The following RRAS2 variants were observed in gnomAD, a reference collection of about 807,000 sequenced individuals.
The protein encoded by RRAS2 is RAS related 2.
Under a neutral mutation model 27.6 loss-of-function variants are expected in RRAS2, and 7 were observed. The ratio of observed to expected loss-of-function variants is 0.25; its 90% CI spans 0.14 to 0.48. RRAS2 has a LOEUF of 0.48. Among genes scored for constraint, RRAS2 ranks in the 20% least tolerant of loss-of-function variants. RRAS2 has a pLI of 0.99. For missense variants in RRAS2, 178 were observed against 256.2 expected (o/e 0.69, Z 2.08); for synonymous variants, 86 against 90.9 (o/e 0.95, Z 0.31).
chr11:14,313,548 A>G (rs946136690), intron 1 of RRAS2, among the ~76,000 whole-genome samples: 3 of 152,178 alleles, frequency 2.0e-5, no homozygotes, highest in Admixed American at 1.3e-4. Flanking sequence ...GGGTCTTTAC[A>G]GTTATTAAAG....
intron 1 of RRAS2, among the ~76,000 whole-genome samples, chr11:14,327,917 G>A (rs1439523103): frequency 1.3e-5 from 2 of 152,164 alleles, no homozygotes; most frequent in African/African-American, 4.8e-5. Context: ...ACATAGGAAA[G>A]CATGGAGGAA....
intron 1 of RRAS2, among the ~76,000 whole-genome samples, chr11:14,351,957 A>G (rs1251166354): frequency 6.6e-6 from 1 of 152,044 alleles, no homozygotes; most frequent in Non-Finnish European, 1.5e-5. Context: ...ACAAAGAGAT[A>G]TTTAAGGATA....
Position 14,358,471 on chromosome 11 carries a change from C to T in RRAS2, c.108+292G>A, listed in dbSNP as rs1849130333. Reference sequence around the variant, plus strand: ...CCAGCCTCTCCCGGAGGTCTCTGGCCTCGGCCAGAGCAATAAGGTGGATCG... The same window carrying T: ...CCAGCCTCTCCCGGAGGTCTCTGGCTTCGGCCAGAGCAATAAGGTGGATCG... On this transcript the variant is annotated intron_variant, in intron 1 of 5. Transcript: ENST00000256196. The surrounding 1 kb of genome is among the most constrained non-coding windows in gnomAD (Gnocchi z 5.1). 1 of 985,604 alleles carries T rather than the reference C, an allele frequency of 1.0e-6. No homozygotes were observed. The highest frequency in any genetic ancestry group is 1.7e-5 in the African/African-American group (1 of 57,352). 61.1% of individuals were successfully genotyped at this position (985,604 alleles called of 1,614,324 possible).
intron 1 of RRAS2, among the ~76,000 whole-genome samples, chr11:14,343,321 T>C (rs1848756502): frequency 6.6e-6 from 1 of 152,206 alleles, no homozygotes; most frequent in Non-Finnish European, 1.5e-5. Context: ...GACAAAGTTT[T>C]CCATACTATT....
chr11:14,340,110 A>T (rs1848671506), intron 1 of RRAS2, among the ~76,000 whole-genome samples: 1 of 134,474 alleles, frequency 7.4e-6, no homozygotes, highest in Non-Finnish European at 1.6e-5. Context: ...AGCCTGGGAG[A>T]CAGGGCAACA....
chr11:14,282,110 T>C (rs1554944411), intron 4 of RRAS2, among the ~76,000 whole-genome samples: 1 of 151,278 alleles, frequency 6.6e-6, no homozygotes, highest in East Asian at 1.9e-4. Flanking sequence ...AGTTGAGGGG[T>C]GGAGGGTGGG....
intron 1 of RRAS2, among the ~76,000 whole-genome samples, chr11:14,317,374 GT>G (rs1391042922): frequency 1.3e-5 from 2 of 152,214 alleles, no homozygotes; most frequent in Non-Finnish European, 2.9e-5. Flanking sequence ...GAGGTCAGGA[GT>G]TCAAGACCAG....
intron 1 of RRAS2, among the ~76,000 whole-genome samples, chr11:14,323,149 T>G (rs1215717090): frequency 1.3e-5 from 2 of 151,920 alleles, no homozygotes; most frequent in Non-Finnish European, 2.9e-5. Context: ...CAAAATTGAT[T>G]CAAGAATAAT....
chr11:14,345,744 T>G (rs1176118545), intron 1 of RRAS2, among the ~76,000 whole-genome samples: 4 of 152,164 alleles, frequency 2.6e-5, no homozygotes, highest in Non-Finnish European at 4.4e-5. Flanking sequence ...GAGATTAAGA[T>G]TTAGAGGGTG....
At chr11:14,315,399 G>A (rs1222954406) in intron 1 of RRAS2, among the ~76,000 whole-genome samples, 2 of 152,104 alleles carry the variant, frequency 1.3e-5, no homozygotes, top group African/African-American at 4.8e-5. Context: ...TCTAATAGAG[G>A]GGCACTCTAC....
chr11:14,357,074 C>A (rs1335621911), intron 1 of RRAS2, among the ~76,000 whole-genome samples: 1 of 152,086 alleles, frequency 6.6e-6, no homozygotes, highest in East Asian at 1.9e-4. Context: ...GTGTGAGCCA[C>A]GACGCCAGGC....
At chr11:14,361,676 CTG>C (rs1849192706), upstream of RRAS2, among the ~76,000 whole-genome samples, 1 of 152,224 alleles carries the variant, frequency 6.6e-6, no homozygotes. Flanking sequence ...CTTTGGAAAA[CTG>C]TATGTGTCAG....
chr11:14,355,011 G>C (rs187735940), intron 1 of RRAS2, among the ~76,000 whole-genome samples: 1 of 151,922 alleles, frequency 6.6e-6, no homozygotes, highest in African/African-American at 2.4e-5. Context: ...TAGATGGCAC[G>C]GTGCTGGATG....
chr11:14,359,083 G>A lies in RRAS2; in HGVS notation c.-213C>T, dbSNP rs971434154. On this transcript the variant is annotated 5_prime_UTR_variant, in exon 1 of 6. Coordinates refer to ENST00000256196, the MANE Select transcript of RRAS2 (RefSeq NM_012250.6). Reference sequence around the variant, plus strand: ...CCGAGGCGCGGAGAAGCGGGGTGACGGCACGGGCCAGGGGCGGCAGCGGCC... The same window carrying A: ...CCGAGGCGCGGAGAAGCGGGGTGACAGCACGGGCCAGGGGCGGCAGCGGCC... 25 of 1,088,202 alleles carry A rather than the reference G, an allele frequency of 2.3e-5. No homozygotes were observed. The highest frequency in any genetic ancestry group is 5.7e-5 in the East Asian group (1 of 17,534). The allele number at this position is 1,088,202 out of a possible 1,614,324, so 67.4% of individuals were successfully genotyped here.
At chr11:14,327,841 T>G (rs950363430) in intron 1 of RRAS2, among the ~76,000 whole-genome samples, 1 of 152,214 alleles carries the variant, frequency 6.6e-6, no homozygotes, top group African/African-American at 2.4e-5. Flanking sequence ...TGAAAAGGTT[T>G]TATTTACTTC....
intron 4 of RRAS2, among the ~76,000 whole-genome samples, chr11:14,293,344 T>TA (rs1847465110): frequency 6.6e-6 from 1 of 151,294 alleles, no homozygotes; most frequent in East Asian, 1.9e-4. Flanking sequence ...CAACATAATA[T>TA]AAAAACAAGA....
At chr11:14,298,853 G>C (rs1847625997) in intron 1 of RRAS2, among the ~76,000 whole-genome samples, 1 of 152,178 alleles carries the variant, frequency 6.6e-6, no homozygotes, top group Non-Finnish European at 1.5e-5. Flanking sequence ...CATTCACTGT[G>C]TGCAGGTAAC....
chr11:14,294,634 C>T, intron 3 of RRAS2, 55 bp from the exon 4 acceptor site: 1 of 1,482,284 alleles, frequency 6.7e-7, no homozygotes, highest in African/African-American at 1.4e-5. Context: ...TATCAGAATT[C>T]AGCAAGTCTC....
intron 1 of RRAS2, among the ~76,000 whole-genome samples, chr11:14,347,083 G>C (rs1554954151): frequency 6.6e-6 from 1 of 152,126 alleles, no homozygotes; most frequent in Non-Finnish European, 1.5e-5. Flanking sequence ...GGTTACTAAA[G>C]CCTAGGAGTT....
Sources: gnomAD v4.1 joint callset for allele counts (sites outside exome capture counted in the v4.1 genomes callset) on GRCh38, gnomAD v4.1.1 for gene constraint, Gnocchi (gnomAD v3.1) non-coding constraint, MANE v1.5 for transcripts, NCBI Gene and HGNC (gene_info 2026-07-23, HGNC 2026-07-21) for gene names.